The following IL15 variants were observed in gnomAD, a reference collection of about 807,000 sequenced individuals.
The protein encoded by IL15 is interleukin 15.
IL15 carries 11 observed loss-of-function variants against 19.6 expected under a neutral mutation model. The observed-to-expected ratio is 0.56, with a 90% CI of 0.35 to 0.93. The LOEUF is 0.93. Ranked by LOEUF, IL15 falls within the 40% of genes least tolerant of loss-of-function variation. The probability of loss-of-function intolerance (pLI) is 0.01; values close to 1 mark genes in which losing one functional copy is unlikely to be tolerated. For missense variants in IL15, 197 were observed against 186.5 expected, an observed-to-expected ratio of 1.06 and a Z score of -0.33; for synonymous variants, 58 against 59.6, an observed-to-expected ratio of 0.97 and a Z score of 0.12.
intron 2 of IL15, among the ~76,000 whole-genome samples, chr4:141,690,361 G>A (rs1728870286): frequency 6.6e-6 from 1 of 152,214 alleles, no homozygotes; most frequent in Admixed American, 6.5e-5. Flanking sequence ...GGGAGCCCAG[G>A]CAGAGGAGTC....
At chr4:141,713,462 G>T (rs546695896) in intron 2 of IL15, among the ~76,000 whole-genome samples, 1 of 152,312 alleles carries the variant, frequency 6.6e-6, no homozygotes, top group East Asian at 1.9e-4. Context: ...ACACTACAGT[G>T]GATGAGTTAA....
intron 1 of IL15, among the ~76,000 whole-genome samples, chr4:141,638,544 C>T (rs902269768): frequency 7.2e-5 from 11 of 152,212 alleles, no homozygotes; most frequent in Non-Finnish European, 4.4e-5. Flanking sequence ...TGGAATTTTC[C>T]TGCAGACTAC....
intron 2 of IL15, among the ~76,000 whole-genome samples, chr4:141,702,901 C>T (rs1472070639): frequency 3.9e-5 from 6 of 152,132 alleles, no homozygotes; most frequent in Non-Finnish European, 7.4e-5. Flanking sequence ...TGGGTCTGAG[C>T]TCAGACTCCC....
intron 3 of IL15, among the ~76,000 whole-genome samples, chr4:141,719,738 A>C (rs1730011107): frequency 6.6e-6 from 1 of 152,100 alleles, no homozygotes; most frequent in African/African-American, 2.4e-5. Context: ...ATGTCTTTGT[A>C]CTCACTAAAT....
intron 2 of IL15, among the ~76,000 whole-genome samples, chr4:141,696,106 C>T (rs1208334019): frequency 6.6e-6 from 1 of 152,032 alleles, no homozygotes; most frequent in East Asian, 1.9e-4. Context: ...GTATTTAATT[C>T]ATTTTGATTT....
At chr4:141,700,653 A>G (rs1020267440) in intron 2 of IL15, among the ~76,000 whole-genome samples, 1 of 152,116 alleles carries the variant, frequency 6.6e-6, no homozygotes, top group Non-Finnish European at 1.5e-5. Context: ...AGCTTCTTGT[A>G]TTTGCAGGTC....
At position 141,721,978 on chromosome 4, in the gene IL15, T is replaced by G; in HGVS notation, c.165T>G (p.Ser55Arg). Residue 55 changes from serine to arginine, a missense_variant, in exon 5 of 8, where the codon AGT (serine) becomes AGG (arginine). By Grantham distance (110) the Ser-to-Arg change is moderately radical (BLOSUM62 -1). Coordinates refer to ENST00000320650, the MANE Select transcript of IL15 (RefSeq NM_000585.5). ...AAGCCAACTGGGTGAATGTAATAAG[T>G]GATTTGAAAAAAATTGAAGATCTTA... is the stretch of plus-strand genomic sequence containing the variant. ...KTEANWVNVISDLKKIEDLIQ... is the reference protein window; with the variant it reads ...KTEANWVNVIRDLKKIEDLIQ... 1.9e-6 allele frequency: 3 copies of G among 1,593,264 alleles called. No homozygotes were observed. The highest frequency in any genetic ancestry group is 2.6e-6 in the Non-Finnish European group (3 of 1,164,432).
chr4:141,724,901 C>G lies in IL15; in HGVS notation c.195+2893C>G, dbSNP rs532023894. Among the ~76,000 whole-genome samples, 5 of 152,206 alleles carry G rather than the reference C, an allele frequency of 3.3e-5. No individual in the cohort carries two copies. In the South Asian group the frequency reaches 1.0e-3, roughly 32 times the overall value. On this transcript the variant is annotated intron_variant, in intron 5 of 7. Transcript: ENST00000320650. ...AGCATTAACAACAATTGTACAGTCT[C>G]TTCTAGAAAATAGAAGAGGAAGGAA...
chr4:141,695,021 C>T (rs759264897), intron 2 of IL15, among the ~76,000 whole-genome samples: 1 of 152,162 alleles, frequency 6.6e-6, no homozygotes, highest in Non-Finnish European at 1.5e-5. Flanking sequence ...CAATTTGTCT[C>T]CCTGTGCCCA....
intron 1 of IL15, among the ~76,000 whole-genome samples, chr4:141,638,143 T>A (rs1726923855): frequency 6.6e-6 from 1 of 152,130 alleles, no homozygotes; most frequent in Non-Finnish European, 1.5e-5. Context: ...TCGTGTGAAG[T>A]AATGTGGCCA....
intron 2 of IL15, among the ~76,000 whole-genome samples, chr4:141,661,643 A>C (rs1177963086): frequency 6.6e-6 from 1 of 152,140 alleles, no homozygotes; most frequent in Non-Finnish European, 1.5e-5. Context: ...ATCTTTGACC[A>C]ATGGGATACA....
At chr4:141,717,200 T>A (rs1277139913) in intron 2 of IL15, 1 of 152,258 alleles carries the variant, frequency 6.6e-6, no homozygotes, top group Admixed American at 6.5e-5. Context: ...TTGCATTGTA[T>A]GAAGGATGTG....
chr4:141,645,150 A>G (rs1026980880), intron 1 of IL15, among the ~76,000 whole-genome samples: 2 of 152,176 alleles, frequency 1.3e-5, no homozygotes, highest in South Asian at 2.1e-4. Flanking sequence ...GGGGCTTCCT[A>G]TGAATTTTAT....
At chr4:141,719,750 G>T (rs997180527) in intron 3 of IL15, among the ~76,000 whole-genome samples, 1 of 152,038 alleles carries the variant, frequency 6.6e-6, no homozygotes, top group African/African-American at 2.4e-5. Context: ...TCACTAAATT[G>T]TGTAGTCTTA....
chr4:141,727,409 CATA>C (rs1434816194), intron 5 of IL15, among the ~76,000 whole-genome samples: 1 of 151,714 alleles, frequency 6.6e-6, no homozygotes, highest in African/African-American at 2.4e-5. Context: ...AGTCCGTTTA[CATA>C]ATATTCTTGA....
intron 2 of IL15, among the ~76,000 whole-genome samples, chr4:141,694,527 A>G (rs906978914): frequency 1.3e-5 from 2 of 152,166 alleles, no homozygotes; most frequent in Admixed American, 1.3e-4. Context: ...TCTGGTTGCA[A>G]GGGAGGTGGT....
chr4:141,673,237 A>G (rs1252796846), intron 2 of IL15, among the ~76,000 whole-genome samples: 1 of 152,216 alleles, frequency 6.6e-6, no homozygotes, highest in Non-Finnish European at 1.5e-5. Flanking sequence ...TTTTTGAATC[A>G]GGACTCATAA....
chr4:141,732,725 C>G lies in IL15; in HGVS notation c.379-13C>G. On this transcript the variant is annotated splice_polypyrimidine_tract_variant and intron_variant, in intron 7 of 7. Coordinates refer to ENST00000320650, the MANE Select transcript of IL15 (RefSeq NM_000585.5). ...TATAAATTGCCAATTTAATCTCTCT[C>G]TATATTTTGCAGAATGTAACAGAAT... 6.2e-7 allele frequency: 1 copy of G among 1,605,640 alleles called. No homozygotes were observed. The highest frequency in any genetic ancestry group is 8.5e-7 in the Non-Finnish European group (1 of 1,177,856).
At chr4:141,722,135 C>T (rs935370542) in intron 5 of IL15, 127 bp downstream of exon 5, 1 of 1,202,986 alleles carries the variant, frequency 8.3e-7, no homozygotes, top group Non-Finnish European at 1.1e-6. Flanking sequence ...AATTTATGAT[C>T]TTATAAAGCT....
Sources: gnomAD v4.1 joint callset for allele counts (sites outside exome capture counted in the v4.1 genomes callset) on GRCh38, gnomAD v4.1.1 for gene constraint, MANE v1.5 for transcripts, NCBI Gene and HGNC (gene_info 2026-07-23, HGNC 2026-07-21) for gene names.